NRXN3: variants seen among roughly 807,000 people sequenced by gnomAD.
The protein encoded by NRXN3 is neurexin 3, also known as neurexin III.
NRXN3 carries 32 observed loss-of-function variants against 137.6 expected under a neutral mutation model. The ratio of observed to expected loss-of-function variants is 0.23; its 90% CI spans 0.18 to 0.31. The LOEUF is 0.31. NRXN3 is among the 10% of genes least tolerant of loss of function. The pLI is 1.00. For synonymous variants in NRXN3, 798 were observed against 784.5 expected (o/e 1.02, Z -0.29); for missense variants, 1,574 against 2,062.5 (o/e 0.76, Z 4.59).
intron 1 of NRXN3, among the ~76,000 whole-genome samples, chr14:78,193,951 A>G (rs1329552852): frequency 6.6e-6 from 1 of 151,970 alleles, no homozygotes; most frequent in African/African-American, 2.4e-5. Flanking sequence ...ACATGGTATC[A>G]TAGTGCCCAT....
At chr14:78,316,814 TC>T (rs2078760008) in intron 4 of NRXN3, among the ~76,000 whole-genome samples, 1 of 152,206 alleles carries the variant, frequency 6.6e-6, no homozygotes, top group African/African-American at 2.4e-5. Context: ...GGCTTGACTT[TC>T]TTGGTGTTGG....
At position 79,422,921 on chromosome 14, in the gene NRXN3, A is replaced by T. The variant is rs371637420; in HGVS notation, c.3263-44300A>T. ...CACCATATTGGCCAGGCTGGTCTCG[A>T]ACTCCTGATCTTGTGATCCACCCGC... is the stretch of plus-strand genomic sequence containing the variant. On this transcript the variant is annotated intron_variant, in intron 15 of 20. Coordinates refer to ENST00000335750, the MANE Select transcript of NRXN3 (RefSeq NM_001330195.2). Among the ~76,000 whole-genome samples the T allele has an allele frequency of 1.2e-4, 18 of 152,076 alleles. No individual in the cohort carries two copies. The South Asian group carries it at 3.7e-3, about 32-fold the overall frequency.
intron 15 of NRXN3, among the ~76,000 whole-genome samples, chr14:79,055,160 A>C (rs1259342569): frequency 6.6e-6 from 1 of 152,118 alleles, no homozygotes; most frequent in African/African-American, 2.4e-5. Context: ...CATTCCACCA[A>C]ATCGGAACTT....
In NRXN3 at chr14:79,324,940, C is replaced by T. The variant is rs7159058; in HGVS notation, c.3263-142281C>T. ...GAAGAATCCTCAAGAAACTGTCAGA[C>T]GTCCTTGTCCTTTAAAAGCTCCAGT... On this transcript the variant is annotated intron_variant, in intron 15 of 20. Transcript: ENST00000335750. 4.7e-3 allele frequency among the ~76,000 whole-genome samples: 723 copies of T among 152,236 alleles called. 8 individuals are homozygous for T. The highest frequency in any genetic ancestry group is 0.034 in the South Asian group (164 of 4,826).
chr14:79,405,721 C>A (rs1477919248), intron 15 of NRXN3, among the ~76,000 whole-genome samples: 1 of 152,118 alleles, frequency 6.6e-6, no homozygotes, highest in Non-Finnish European at 1.5e-5. Context: ...ATGTCTTAGT[C>A]AACAGCCTGC....
intron 10 of NRXN3, among the ~76,000 whole-genome samples, chr14:78,943,347 A>C (rs1045870708): frequency 6.6e-6 from 1 of 151,858 alleles, no homozygotes; most frequent in Non-Finnish European, 1.5e-5. Flanking sequence ...AACAGCAGAG[A>C]AAATAACTAG....
Position 79,624,790 on chromosome 14 carries a change from C to T in NRXN3, c.3445-38988C>T, listed in dbSNP as rs544335812. Among the ~76,000 whole-genome samples the T allele has an allele frequency of 2.4e-4, 29 of 119,522 alleles. No homozygotes were observed. The South Asian group carries it at 4.6e-3, about 19-fold the overall frequency. The allele number at this position is 119,522 out of a possible 152,430, so 78.4% of individuals were successfully genotyped here. On this transcript the variant is annotated intron_variant, in intron 16 of 20. Transcript: ENST00000335750. The stretch of plus-strand genomic sequence containing the variant: ...ACTCTTTCACTCTCTCTTTCTTTCC[C>T]GTTTTTTTTTTTGTTTGTTTTTGTT...
chr14:79,448,054 G>C (rs1360505197), intron 15 of NRXN3, among the ~76,000 whole-genome samples: 1 of 152,178 alleles, frequency 6.6e-6, no homozygotes, highest in South Asian at 2.1e-4. Context: ...CTTCCTGTGA[G>C]GACCTATGTA....
intron 8 of NRXN3, among the ~76,000 whole-genome samples, chr14:78,755,057 T>C (rs1268883750): frequency 6.6e-6 from 1 of 152,108 alleles, no homozygotes; most frequent in African/African-American, 2.4e-5. Context: ...CCATTTACTC[T>C]CATGGAATGC....
At chr14:78,524,195 T>G (rs1050302988) in intron 4 of NRXN3, among the ~76,000 whole-genome samples, 27 of 151,200 alleles carry the variant, frequency 1.8e-4, no homozygotes, top group African/African-American at 6.3e-4. Context: ...TTAGTGTATG[T>G]TTTTTTTTGT....
chr14:79,823,633 T>C (rs1472548003), intron 20 of NRXN3, among the ~76,000 whole-genome samples: 2 of 152,178 alleles, frequency 1.3e-5, no homozygotes, highest in Non-Finnish European at 2.9e-5. Context: ...ACATTTGTAA[T>C]CAGAGAGAAG....
chr14:79,071,505 A>G (rs1310239178), intron 15 of NRXN3, among the ~76,000 whole-genome samples: 1 of 152,214 alleles, frequency 6.6e-6, no homozygotes, highest in African/African-American at 2.4e-5. Context: ...ATGTATCTTC[A>G]TAAGCAATTG....
chr14:78,437,389 C>G (rs1287916427), intron 4 of NRXN3, among the ~76,000 whole-genome samples: 1 of 151,296 alleles, frequency 6.6e-6, no homozygotes, highest in African/African-American at 2.4e-5. Context: ...CACTCTGTTG[C>G]CCAGGCTGGA....
intron 16 of NRXN3, among the ~76,000 whole-genome samples, chr14:79,560,503 G>GTTTTTTTT (rs1567504638): frequency 5.1e-5 from 2 of 39,568 alleles, no homozygotes; most frequent in African/African-American, 1.5e-4. Flanking sequence ...AAGATTGTAA[G>GTTTTTTTT]CTTTTTTTTT....
chr14:79,415,354 T>C (rs1179693073), intron 15 of NRXN3, among the ~76,000 whole-genome samples: 1 of 152,180 alleles, frequency 6.6e-6, no homozygotes, highest in African/African-American at 2.4e-5. Context: ...TTTTTTCTTG[T>C]CATTATTCCC....
intron 19 of NRXN3, among the ~76,000 whole-genome samples, chr14:79,727,136 G>A (rs1187525481): frequency 6.6e-6 from 1 of 152,184 alleles, no homozygotes; most frequent in Non-Finnish European, 1.5e-5. Context: ...TGACATTACA[G>A]CATGCCTAGG....
At chr14:78,915,797 A>AATCACT (rs1270041089) in intron 10 of NRXN3, among the ~76,000 whole-genome samples, 2 of 152,084 alleles carry the variant, frequency 1.3e-5, no homozygotes, top group African/African-American at 4.8e-5. Context: ...TCAGTATATG[A>AATCACT]AAGCAGTGAT....
chr14:79,104,726 A>G (rs2052046187), intron 15 of NRXN3, among the ~76,000 whole-genome samples: 1 of 152,038 alleles, frequency 6.6e-6, no homozygotes, highest in African/African-American at 2.4e-5. Context: ...GCATTTAATC[A>G]TCACTTTCCT....
At chr14:79,589,099 A>G (rs534851870) in intron 16 of NRXN3, among the ~76,000 whole-genome samples, 47 of 152,248 alleles carry the variant, frequency 3.1e-4, no homozygotes, top group African/African-American at 1.1e-3. Flanking sequence ...TACAAAAAAT[A>G]TAAAAATTAG....
Sources: allele counts gnomAD v4.1 joint callset (sites outside exome capture counted in the v4.1 genomes callset), GRCh38; gene constraint gnomAD v4.1.1; transcripts MANE v1.5; gene names NCBI Gene and HGNC (gene_info 2026-07-23, HGNC 2026-07-21).